The following FRMPD4 variants were observed in gnomAD, a reference collection of about 807,000 sequenced individuals.
FRMPD4 encodes FERM and PDZ domain containing 4.
Under a neutral mutation model 94.1 loss-of-function variants are expected in FRMPD4, and 22 were observed. The ratio of observed to expected loss-of-function variants is 0.23; its 90% CI spans 0.17 to 0.33. FRMPD4 has a LOEUF of 0.33. Ranked by LOEUF, FRMPD4 falls within the 10% of genes least tolerant of loss-of-function variation. The pLI, the probability that FRMPD4 is intolerant of heterozygous loss-of-function variation, is 1.00. For missense variants in FRMPD4, 1,111 were observed against 1,339.9 expected, an observed-to-expected ratio of 0.83 and a Z score of 2.67; for synonymous variants, 631 against 548.6, an observed-to-expected ratio of 1.15 and a Z score of -2.10.
intron 1 of FRMPD4, among the ~76,000 whole-genome samples, chrX:12,212,900 T>G (rs1033604869): frequency 1.8e-5 from 2 of 111,613 alleles, no homozygotes; most frequent in Non-Finnish European, 1.9e-5. Context: ...AGTTCTTTGG[T>G]TGGTTTCTTC....
chrX:12,693,975 A>G (rs1785768842), intron 8 of FRMPD4, among the ~76,000 whole-genome samples: 1 of 111,336 alleles, frequency 9.0e-6, no homozygotes, highest in Non-Finnish European at 1.9e-5. Context: ...CTACCACTCC[A>G]TGGTCTCCTG....
At chrX:11,891,803 T>A (rs1251542942) in intron 3 of FRMPD4, among the ~76,000 whole-genome samples, 1 of 112,393 alleles carries the variant, frequency 8.9e-6, no homozygotes, top group Non-Finnish European at 1.9e-5. Context: ...TAACTGGCAT[T>A]TAATACATAT....
chrX:11,851,852 T>C (rs760513062), intron 1 of FRMPD4, among the ~76,000 whole-genome samples: 6 of 109,465 alleles, frequency 5.5e-5, no homozygotes, highest in Admixed American at 9.8e-5. Flanking sequence ...TTAGCTTTGG[T>C]ATGATGACAG....
intron 3 of FRMPD4, among the ~76,000 whole-genome samples, chrX:12,001,533 C>T (rs2054524505): frequency 8.9e-6 from 1 of 111,917 alleles, no homozygotes; most frequent in African/African-American, 3.2e-5. Flanking sequence ...AATATTGATT[C>T]AGGAAAACAA....
intron 9 of FRMPD4, among the ~76,000 whole-genome samples, chrX:12,697,167 C>T (rs1366334570): frequency 3.6e-5 from 4 of 112,351 alleles, no homozygotes; most frequent in Admixed American, 9.4e-5. Context: ...CCCCGAACAA[C>T]GAAACTGCCA....
intron 8 of FRMPD4, among the ~76,000 whole-genome samples, chrX:12,692,578 T>A (rs1290340098): frequency 8.9e-6 from 1 of 112,399 alleles, no homozygotes; most frequent in Non-Finnish European, 1.9e-5. Context: ...ATATACTACT[T>A]AAAGTTTCCA....
At chrX:11,971,704 C>T (rs966593155) in intron 3 of FRMPD4, among the ~76,000 whole-genome samples, 5 of 112,075 alleles carry the variant, frequency 4.5e-5, no homozygotes, top group Non-Finnish European at 9.4e-5. Flanking sequence ...GTCACCCCAG[C>T]TCTAGGGATA....
intron 2 of FRMPD4, among the ~76,000 whole-genome samples, chrX:12,520,946 C>T (rs1364793890): frequency 1.8e-5 from 2 of 111,972 alleles, no homozygotes; most frequent in Non-Finnish European, 3.8e-5. Flanking sequence ...CGGTGAAAGA[C>T]CACACAGTAA....
intron 4 of FRMPD4, among the ~76,000 whole-genome samples, chrX:12,629,118 G>A (rs138320232): frequency 3.4e-3 from 387 of 112,379 alleles, no homozygotes; most frequent in Middle Eastern, 0.014. Flanking sequence ...TGGGAATTAT[G>A]GGAGCTACAG....
rs1427946992 is a variant in FRMPD4, at chrX:12,718,285, C to T, written c.3459C>T (p.Asp1153=). 7 of 1,209,544 alleles carry T rather than the reference C, an allele frequency of 5.8e-6. No individual in the cohort carries two copies. The highest frequency in any genetic ancestry group is 3.0e-5 in the East Asian group (1 of 33,750). Residue 1153 remains aspartate, a synonymous_variant, in exon 16 of 17, where the codon GAC becomes GAT. Coordinates refer to ENST00000675598, the MANE Select transcript of FRMPD4 (RefSeq NM_001368397.1). ...GLGQGDRFLT[D]VTCASSAKDL... ...GTCAAGGGGACCGCTTCTTAACTGACGTGACCTGTGCATCTTCAGCCAAAG... is the reference window on the plus strand; with the variant it reads ...GTCAAGGGGACCGCTTCTTAACTGATGTGACCTGTGCATCTTCAGCCAAAG...
chrX:12,110,115 A>C (rs1168923484), intron 3 of FRMPD4, among the ~76,000 whole-genome samples: 1 of 112,257 alleles, frequency 8.9e-6, no homozygotes, highest in African/African-American at 3.2e-5. Flanking sequence ...CAGACCAATA[A>C]AAAAAGAGAA....
At chrX:12,331,601 A>G (rs1351630492) in intron 1 of FRMPD4, among the ~76,000 whole-genome samples, 1 of 85,075 alleles carries the variant, frequency 1.2e-5, no homozygotes, top group Non-Finnish European at 2.2e-5. Context: ...TCATATATAT[A>G]TATAATATAA....
intron 2 of FRMPD4, among the ~76,000 whole-genome samples, chrX:12,531,314 C>T (rs1458277338): frequency 2.7e-5 from 3 of 111,839 alleles, no homozygotes; most frequent in Non-Finnish European, 5.6e-5. Context: ...TAGTAAGGGA[C>T]GTGGGAATAT....
At chrX:12,554,954 AG>A (rs1476420375) in intron 2 of FRMPD4, among the ~76,000 whole-genome samples, 4 of 111,161 alleles carry the variant, frequency 3.6e-5, no homozygotes, top group Non-Finnish European at 7.6e-5. Flanking sequence ...GAATGTCGGA[AG>A]GGTCCTGCTC....
intron 1 of FRMPD4, among the ~76,000 whole-genome samples, chrX:12,337,527 G>T (rs1248252382): frequency 8.9e-6 from 1 of 112,167 alleles, no homozygotes; most frequent in African/African-American, 3.2e-5. Context: ...TCTAGATCAA[G>T]TAAGATAAGG....
chrX:12,650,557 A>G (rs1023664576), intron 4 of FRMPD4, among the ~76,000 whole-genome samples: 1 of 111,781 alleles, frequency 8.9e-6, no homozygotes, highest in Non-Finnish European at 1.9e-5. Context: ...CTACTGGGGG[A>G]AAATGATTAG....
chrX:12,567,194 T>C (rs58113267), intron 2 of FRMPD4, among the ~76,000 whole-genome samples: 4,429 of 111,947 alleles, frequency 0.04, 218 homozygotes, highest in African/African-American at 0.14. Flanking sequence ...AATAAATACC[T>C]GCTGTATTCC....
At chrX:12,010,385 G>T (rs2054574871) in intron 3 of FRMPD4, among the ~76,000 whole-genome samples, 1 of 111,911 alleles carries the variant, frequency 8.9e-6, no homozygotes, top group African/African-American at 3.2e-5. Context: ...GCTCTATTTA[G>T]GGTAATATTC....
Position 12,717,037 on chromosome X carries a change from A to C in FRMPD4, c.2578A>C (p.Lys860Gln), listed in dbSNP as rs768280850. The C allele has an allele frequency of 8.3e-7, 1 of 1,210,401 alleles. No individual in the cohort carries two copies. Reference sequence around the variant, plus strand: ...CGCTGTGCCCACCAGCGCCGAAGGCAAGTGTGAGAAGGGACTGGATAATGC... The same window carrying C: ...CGCTGTGCCCACCAGCGCCGAAGGCCAGTGTGAGAAGGGACTGGATAATGC... Reference protein sequence around the residue: ...IDAVPTSAEGKCEKGLDNAVV... With the variant: ...IDAVPTSAEGQCEKGLDNAVV... Residue 860 changes from lysine (K) to glutamine (Q), a missense_variant, in exon 15 of 17, where the codon AAG (lysine) becomes CAG (glutamine). Lys to Gln is a moderately conservative substitution (Grantham distance 53, BLOSUM62 1). This residue lies in a region of FRMPD4 where 74 missense variants were observed against 93.9 expected (regional missense o/e 0.79). Transcript: ENST00000675598.
Sources: allele counts gnomAD v4.1 joint callset (sites outside exome capture counted in the v4.1 genomes callset), GRCh38; gene constraint gnomAD v4.1.1; regional missense constraint gnomAD v4.1.1; transcripts MANE v1.5; gene names NCBI Gene and HGNC (gene_info 2026-07-23, HGNC 2026-07-21).